PCED1B: variants seen among roughly 807,000 people sequenced by gnomAD.
The protein encoded by PCED1B is PC-esterase domain containing 1B, also known as PC-esterase domain-containing protein 1B.
For missense variants in PCED1B, 573 were observed against 573.9 expected, an observed-to-expected ratio of 1.00 and a Z score of 0.02; for synonymous variants, 251 against 246.1, an observed-to-expected ratio of 1.02 and a Z score of -0.19.
At chr12:47,182,129 A>G (rs191865460) in intron 2 of PCED1B, among the ~76,000 whole-genome samples, 4 of 152,342 alleles carry the variant, frequency 2.6e-5, no homozygotes, top group Admixed American at 6.5e-5. Flanking sequence ...ATGGTTCAGA[A>G]AAGAACAGCT....
chr12:47,119,547 A>G (rs1017343953), intron 2 of PCED1B, among the ~76,000 whole-genome samples: 1 of 152,124 alleles, frequency 6.6e-6, no homozygotes, highest in African/African-American at 2.4e-5. Flanking sequence ...AAAGAAAGAA[A>G]GAAAACTATT....
At chr12:47,154,250 T>C (rs1320051657) in intron 2 of PCED1B, among the ~76,000 whole-genome samples, 2 of 152,230 alleles carry the variant, frequency 1.3e-5, no homozygotes, top group African/African-American at 4.8e-5. Context: ...ACCACAAGTA[T>C]TTATTTCAGG....
At chr12:47,098,834 A>G (rs1278650659) in intron 1 of PCED1B, among the ~76,000 whole-genome samples, 4 of 152,232 alleles carry the variant, frequency 2.6e-5, no homozygotes, top group Non-Finnish European at 5.9e-5. Context: ...AAAAAACAAA[A>G]GAGAGAAAGA....
At chr12:47,173,497 C>T (rs562391928) in intron 2 of PCED1B, among the ~76,000 whole-genome samples, 1 of 152,274 alleles carries the variant, frequency 6.6e-6, no homozygotes, top group Non-Finnish European at 1.5e-5. Flanking sequence ...CGTGATCTGC[C>T]CGCCTTAGCC....
At chr12:47,140,499 T>C (rs1940552887) in intron 2 of PCED1B, among the ~76,000 whole-genome samples, 2 of 152,326 alleles carry the variant, frequency 1.3e-5, no homozygotes, top group South Asian at 4.1e-4. Flanking sequence ...CACTTTTAAC[T>C]CTGTTTTATT....
chr12:47,089,286 GA>G lies in PCED1B; in HGVS notation c.-609+9565del, dbSNP rs559510139. Among the ~76,000 whole-genome samples the G allele has an allele frequency of 9.3e-5, 14 of 151,164 alleles. No homozygotes were observed. The East Asian group carries it at 2.8e-3, about 30-fold the overall frequency. The stretch of plus-strand genomic sequence containing the variant: ...TGAAACCGATCTCTACTAAAAATAT[GA>G]AAACAAAAAATTAACAGGGCGTGGT... On this transcript the variant is annotated intron_variant, in intron 1 of 3. Transcript: ENST00000546455.
intron 2 of PCED1B, among the ~76,000 whole-genome samples, chr12:47,113,021 C>T (rs1238425328): frequency 1.3e-5 from 2 of 152,144 alleles, no homozygotes; most frequent in Non-Finnish European, 2.9e-5. Flanking sequence ...CAATCTATTA[C>T]CAAAAACTGG....
chr12:47,217,860 A>T (rs1468309502), intron 3 of PCED1B, among the ~76,000 whole-genome samples: 2 of 152,254 alleles, frequency 1.3e-5, no homozygotes, highest in African/African-American at 4.8e-5. Context: ...TACAGGCATG[A>T]GCTACCGCGC....
intron 3 of PCED1B, among the ~76,000 whole-genome samples, chr12:47,217,399 AAC>A (rs148656673): frequency 3.0e-5 from 2 of 66,518 alleles, no homozygotes; most frequent in African/African-American, 4.0e-4. Context: ...ACAAGAAAGA[AAC>A]AGAGAGAGAG....
At chr12:47,142,928 T>C (rs757148994) in intron 2 of PCED1B, among the ~76,000 whole-genome samples, 37 of 152,100 alleles carry the variant, frequency 2.4e-4, no homozygotes, top group Non-Finnish European at 4.1e-4. Flanking sequence ...AATCAATACA[T>C]GTGATACATG....
chr12:47,113,349 G>T (rs376175474), intron 2 of PCED1B, among the ~76,000 whole-genome samples: 1 of 152,122 alleles, frequency 6.6e-6, no homozygotes, highest in Non-Finnish European at 1.5e-5. Context: ...TATCAGGCAC[G>T]GTGTTAGGCA....
Position 47,147,744 on chromosome 12 carries a change from G to T in PCED1B, c.-526+43549G>T, listed in dbSNP as rs149998114. ...ATCTGATCACTTAAGTAATCCCTGA[G>T]AACATCTAGGCTCTCCCTAGTTCTG... On this transcript the variant is annotated intron_variant, in intron 2 of 3. Coordinates refer to ENST00000546455, the MANE Select transcript of PCED1B (RefSeq NM_138371.3). 2.9e-3 allele frequency among the ~76,000 whole-genome samples: 444 copies of T among 152,204 alleles called. 1 individual carries two copies. Among genetic ancestry groups the T allele is most frequent in the Non-Finnish European group, 3.9e-3 (264 of 68,020 alleles).
intron 2 of PCED1B, chr12:47,209,393 G>A (rs534783638): frequency 6.4e-4 from 98 of 152,470 alleles, no homozygotes; most frequent in African/African-American, 2.3e-3. Flanking sequence ...GGCTGAGGCA[G>A]GAGAATCACT....
At chr12:47,183,777 A>C (rs9888310) in intron 2 of PCED1B, among the ~76,000 whole-genome samples, 46,643 of 152,110 alleles carry the variant, frequency 0.31, 7,499 homozygotes, top group East Asian at 0.57. Context: ...ACTCATCTGT[A>C]TACAGACTTC....
chr12:47,119,953 G>A (rs1406835382), intron 2 of PCED1B, among the ~76,000 whole-genome samples: 1 of 145,620 alleles, frequency 6.9e-6, no homozygotes, highest in Admixed American at 6.8e-5. Flanking sequence ...GGGACAGAGT[G>A]AGACTCTGTC....
At chr12:47,103,210 G>A (rs1938793365) in intron 1 of PCED1B, among the ~76,000 whole-genome samples, 1 of 152,190 alleles carries the variant, frequency 6.6e-6, no homozygotes, top group East Asian at 1.9e-4. Context: ...GATGCATTTT[G>A]CCATATTTTG....
At chr12:47,233,970 GT>G (rs373281086) in intron 3 of PCED1B, among the ~76,000 whole-genome samples, 3 of 151,556 alleles carry the variant, frequency 2.0e-5, no homozygotes, top group African/African-American at 4.9e-5. Flanking sequence ...GTTTTTAGGG[GT>G]TTTTTTTGTT....
chr12:47,090,007 A>G (rs755700766), intron 1 of PCED1B, among the ~76,000 whole-genome samples: 1 of 152,126 alleles, frequency 6.6e-6, no homozygotes, highest in Non-Finnish European at 1.5e-5. Context: ...CCCTGACCTC[A>G]AGTGATCCAC....
chr12:47,158,962 C>A (rs369187958), intron 2 of PCED1B, among the ~76,000 whole-genome samples: 1 of 152,080 alleles, frequency 6.6e-6, no homozygotes. Context: ...TCTCCATGAA[C>A]TTTTTTAGCT....
Sources: allele counts gnomAD v4.1 joint callset (sites outside exome capture counted in the v4.1 genomes callset), GRCh38; gene constraint gnomAD v4.1.1; transcripts MANE v1.5; gene names NCBI Gene and HGNC (gene_info 2026-07-23, HGNC 2026-07-21).